The following MGAT5B variants were observed in gnomAD, a reference collection of about 807,000 sequenced individuals.
MGAT5B encodes the protein N-acetylglucosaminyl-transferase Vb.
A neutral mutation model predicts 95.1 loss-of-function variants in MGAT5B; 54 were observed. The observed-to-expected ratio is 0.57, with a 90% confidence interval of 0.46 to 0.71. The LOEUF (loss-of-function observed/expected upper bound fraction) is 0.71, where lower values mean the gene tolerates loss of function less well. Among genes scored for constraint, MGAT5B ranks in the 30% least tolerant of loss-of-function variants. MGAT5B has a pLI of 0.00. For missense variants in MGAT5B, 935 were observed against 1,088.6 expected (o/e 0.86, Z 1.99); for synonymous variants, 464 against 451.0 (o/e 1.03, Z -0.36).
chr17:76,939,032 GTGTGTGT>G lies in MGAT5B; in HGVS notation c.1584+890_1584+896del, dbSNP rs760225639. On this transcript the variant is annotated intron_variant, in intron 13 of 17. Coordinates refer to ENST00000569840, the MANE Select transcript of MGAT5B (RefSeq NM_001199172.2). Reference sequence around the variant, plus strand: ...TTGTTTCCCAAGGCATCTTGGGGGTGTGTGTGTGTGTGTGTGTGTGTGTGTGTGTGTG... The same window carrying G: ...TTGTTTCCCAAGGCATCTTGGGGGTGGTGTGTGTGTGTGTGTGTGTGTGTG... 1.3e-3 allele frequency among the ~76,000 whole-genome samples: 63 copies of G among 50,040 alleles called. 1 individual carries two copies. Among genetic ancestry groups the G allele is most frequent in the African/African-American group, 3.3e-3 (49 of 14,746 alleles). The allele number at this position is 50,040 out of a possible 152,430, so 32.8% of individuals were successfully genotyped here. A position where few individuals can be genotyped will look rare whatever the true frequency, so the allele number is the denominator to read the frequency against.
In MGAT5B at chr17:76,918,883, C is replaced by T. The variant is rs1476339523; in HGVS notation, c.1026-6083C>T. The stretch of plus-strand genomic sequence containing the variant: ...AAGGATTCTTTTTAATTAGGTCCCT[C>T]CCACACAAGAGAAAGAGAGAGAGAA... On this transcript the variant is annotated intron_variant, in intron 8 of 17. Coordinates refer to ENST00000569840, the MANE Select transcript of MGAT5B (RefSeq NM_001199172.2). This position sits in a 1 kb window ranked among gnomAD's most constrained non-coding sequence, Gnocchi z 5.1. Among the ~76,000 whole-genome samples, 1 of 146,188 alleles carries T rather than the reference C, an allele frequency of 6.8e-6. No individual in the cohort carries two copies. Among genetic ancestry groups the T allele is most frequent in the Non-Finnish European group, 1.5e-5 (1 of 67,234 alleles).
intron 3 of MGAT5B, among the ~76,000 whole-genome samples, chr17:76,902,127 T>C (rs1195543906): frequency 6.6e-6 from 1 of 151,904 alleles, no homozygotes; most frequent in Non-Finnish European, 1.5e-5. Context: ...TGTGGGGACA[T>C]GTGCAGATGT....
At chr17:76,945,864 G>A (rs1462530849) in intron 15 of MGAT5B, among the ~76,000 whole-genome samples, 1 of 152,306 alleles carries the variant, frequency 6.6e-6, no homozygotes, top group Admixed American at 6.5e-5. Context: ...CCCTCAAGGT[G>A]TCCATAAGTT....
chr17:76,869,102 A>C lies in MGAT5B; in HGVS notation c.68+5A>C, dbSNP rs1966896966. 2 of 1,613,836 alleles carry C rather than the reference A, an allele frequency of 1.2e-6. No homozygotes were observed. Among genetic ancestry groups the C allele is most frequent in the African/African-American group, 1.3e-5 (1 of 74,920 alleles). ...GGTCACCCTGAGACCCTTTCGGTAA[A>C]GTTCCCTCCTGGTTGGTTTTTTCCC... is the stretch of plus-strand genomic sequence containing the variant. On this transcript the variant is annotated splice_donor_5th_base_variant and intron_variant, in intron 1 of 17. Coordinates refer to ENST00000569840, the MANE Select transcript of MGAT5B (RefSeq NM_001199172.2). This position sits in a 1 kb window ranked among gnomAD's most constrained non-coding sequence, Gnocchi z 7.0.
chr17:76,934,970 A>G (rs527589453), intron 12 of MGAT5B, among the ~76,000 whole-genome samples: 5 of 152,272 alleles, frequency 3.3e-5, no homozygotes, highest in African/African-American at 1.2e-4. Flanking sequence ...TCATCCTTCC[A>G]GGGAGCAGGA....
At chr17:76,883,329 C>G (rs1048284938) in intron 3 of MGAT5B, among the ~76,000 whole-genome samples, 2 of 152,126 alleles carry the variant, frequency 1.3e-5, no homozygotes, top group Non-Finnish European at 2.9e-5. Flanking sequence ...TGATTTTGAA[C>G]TCTGTGTTGA....
At chr17:76,910,610 A>ATACAGACACACATGCACACTC (rs1212308956) in intron 8 of MGAT5B, among the ~76,000 whole-genome samples, 3 of 152,208 alleles carry the variant, frequency 2.0e-5, no homozygotes, top group African/African-American at 7.2e-5. Context: ...TGATGCATCT[A>ATACAGACACACATGCACACTC]TACAGACACA....
chr17:76,908,663 A>G (rs971841218), intron 8 of MGAT5B, among the ~76,000 whole-genome samples: 4 of 152,168 alleles, frequency 2.6e-5, no homozygotes, highest in South Asian at 4.1e-4. Flanking sequence ...CATGCATCCA[A>G]TGTGTAATGA....
At chr17:76,888,629 G>C (rs1187353610) in intron 3 of MGAT5B, among the ~76,000 whole-genome samples, 1 of 152,136 alleles carries the variant, frequency 6.6e-6, no homozygotes, top group African/African-American at 2.4e-5. Flanking sequence ...TGGAGAGCTC[G>C]TTCTCAGGGG....
At chr17:76,901,323 A>G (rs139285135) in intron 3 of MGAT5B, among the ~76,000 whole-genome samples, 1 of 152,082 alleles carries the variant, frequency 6.6e-6, no homozygotes, top group Non-Finnish European at 1.5e-5. Context: ...AGTACCTTGT[A>G]TAGGGATAAA....
intron 2 of MGAT5B, among the ~76,000 whole-genome samples, chr17:76,875,704 T>C (rs927273585): frequency 1.4e-5 from 2 of 142,356 alleles, no homozygotes; most frequent in African/African-American, 2.7e-5. Context: ...ATTGTGTGAG[T>C]ACACCACCAT....
chr17:76,895,974 C>G (rs947013365), intron 3 of MGAT5B, among the ~76,000 whole-genome samples: 5 of 152,242 alleles, frequency 3.3e-5, no homozygotes, highest in Non-Finnish European at 7.3e-5. Flanking sequence ...GCCTGCACCT[C>G]CTGGCCCTGG....
intron 3 of MGAT5B, 38 bp downstream of exon 3, chr17:76,882,336 A>T: frequency 6.5e-7 from 1 of 1,535,048 alleles, no homozygotes; most frequent in Non-Finnish European, 8.8e-7. Context: ...GGAGCAGGGG[A>T]GCGGTGGCAC....
chr17:76,944,268 T>G (rs1453625312), intron 15 of MGAT5B: 1 of 152,020 alleles, frequency 6.6e-6, no homozygotes, highest in Non-Finnish European at 1.5e-5. Context: ...TGGCCGTGAG[T>G]GTTTGCTTCA....
chr17:76,919,015 T>G (rs1969037349), intron 8 of MGAT5B, among the ~76,000 whole-genome samples: 1 of 152,084 alleles, frequency 6.6e-6, no homozygotes, highest in Non-Finnish European at 1.5e-5. Context: ...GAAGAGACCG[T>G]GGAGATTTGC....
rs1187710269 is a variant in MGAT5B at position 76,914,494 on chromosome 17, C to T, written c.1025+8307C>T. On this transcript the variant is annotated intron_variant, in intron 8 of 17. Transcript: ENST00000569840. The surrounding 1 kb of genome is among the most constrained non-coding windows in gnomAD (Gnocchi z 5.1). ...GGCTGGAAGTCTGAAATCAAGACTC[C>T]CTCTGAAGGCACTAGGGAAGCGTCA... is the stretch of plus-strand genomic sequence containing the variant. 6.6e-6 allele frequency among the ~76,000 whole-genome samples: 1 copy of T among 152,152 alleles called. No homozygotes were observed. The highest frequency in any genetic ancestry group is 1.5e-5 in the Non-Finnish European group (1 of 68,040).
rs371193098 is a variant in MGAT5B at position 76,940,588 on chromosome 17, G to A, written c.1731+40G>A. 3.8e-5 allele frequency: 61 copies of A among 1,590,882 alleles called. No individual in the cohort carries two copies. The highest frequency in any genetic ancestry group is 1.1e-4 in the East Asian group (5 of 44,512). ...TCCTGGTCCCCGATCAGGAGGGGCC[G>A]GGACAGAGACCCCTGCAGGTCCTGG... On this transcript the variant is annotated intron_variant, in intron 14 of 17. Transcript: ENST00000569840. The surrounding 1 kb of genome is among the most constrained non-coding windows in gnomAD (Gnocchi z 4.3).
At chr17:76,880,375 G>T (rs1396803852) in intron 2 of MGAT5B, among the ~76,000 whole-genome samples, 1 of 152,194 alleles carries the variant, frequency 6.6e-6, no homozygotes, top group Non-Finnish European at 1.5e-5. Flanking sequence ...TGGCAGGGGA[G>T]CCCAGCCAGG....
chr17:76,894,131 C>T lies in MGAT5B; in HGVS notation c.330-8424C>T, dbSNP rs577481947. On this transcript the variant is annotated intron_variant, in intron 3 of 17. Coordinates refer to ENST00000569840, the MANE Select transcript of MGAT5B (RefSeq NM_001199172.2). Reference sequence around the variant, plus strand: ...AGCTTGTGGGCACTGCACTTGTGTCCAGGCATTCATTAGGGCCACCCGGCT... The same window carrying T: ...AGCTTGTGGGCACTGCACTTGTGTCTAGGCATTCATTAGGGCCACCCGGCT... Among the ~76,000 whole-genome samples the T allele has an allele frequency of 2.6e-5, 4 of 152,286 alleles. No homozygotes were observed. In the South Asian group the frequency reaches 8.3e-4, roughly 32 times the overall value.
Sources: gnomAD v4.1 joint callset for allele counts (sites outside exome capture counted in the v4.1 genomes callset) on GRCh38, gnomAD v4.1.1 for gene constraint, Gnocchi (gnomAD v3.1) non-coding constraint, MANE v1.5 for transcripts, NCBI Gene and HGNC (gene_info 2026-07-23, HGNC 2026-07-21) for gene names.